Variants in CLDN14 observed in about 807,000 individuals in gnomAD.
The protein encoded by CLDN14 is claudin 14.
CLDN14 carries 2 observed loss-of-function variants against 2.1 expected under a neutral mutation model. The observed-to-expected ratio is 0.96, with a 90% CI of 0.39 to 3.01. CLDN14 has a LOEUF of 3.01. Among genes scored for constraint, CLDN14 ranks in the 30% most tolerant of loss-of-function variants. The pLI, the probability that CLDN14 is intolerant of heterozygous loss-of-function variation, is 0.09. For synonymous variants in CLDN14, 136 were observed against 154.4 expected (o/e 0.88, Z 0.88); for missense variants, 298 against 328.0 (o/e 0.91, Z 0.71).
intron 1 of CLDN14, among the ~76,000 whole-genome samples, chr21:36,472,658 CT>C (rs2086724377): frequency 6.6e-6 from 1 of 152,202 alleles, no homozygotes. Flanking sequence ...ATACCACAGA[CT>C]TGCTGGATTA....
At chr21:36,489,131 A>AAAAATATATAT in intron 2 of CLDN14, among the ~76,000 whole-genome samples, 2 of 62,746 alleles carry the variant, frequency 3.2e-5, no homozygotes, top group Admixed American at 2.7e-4. Context: ...AAAAAAAAAA[A>AAAAATATATAT]ATATATATAT....
At chr21:36,538,550 G>T (rs1314757330) in intron 1 of CLDN14, among the ~76,000 whole-genome samples, 3 of 152,104 alleles carry the variant, frequency 2.0e-5, no homozygotes, top group African/African-American at 7.2e-5. Flanking sequence ...GAAGATGGAG[G>T]TTGCAGTGAG....
chr21:36,486,674 A>G (rs569188063), intron 2 of CLDN14: 9 of 1,378,610 alleles, frequency 6.5e-6, no homozygotes, highest in African/African-American at 2.9e-5. Flanking sequence ...CTCTTCCCCC[A>G]AATTTATCAT....
chr21:36,507,398 C>A (rs1414846040), intron 2 of CLDN14, among the ~76,000 whole-genome samples: 1 of 152,104 alleles, frequency 6.6e-6, no homozygotes, highest in Non-Finnish European at 1.5e-5. Flanking sequence ...AGCCCAGAGA[C>A]AACCGCTTGA....
chr21:36,538,889 C>T (rs184313857), intron 1 of CLDN14, among the ~76,000 whole-genome samples: 5 of 152,276 alleles, frequency 3.3e-5, no homozygotes, highest in East Asian at 1.9e-4. Flanking sequence ...GAGACCTGTA[C>T]GAGTCACCTG....
intron 1 of CLDN14, among the ~76,000 whole-genome samples, chr21:36,534,757 A>G (rs191587091): frequency 1.8e-4 from 28 of 152,306 alleles, no homozygotes; most frequent in African/African-American, 6.7e-4. Flanking sequence ...TCTGGGTTCA[A>G]TCCTGCTCTT....
intron 1 of CLDN14, among the ~76,000 whole-genome samples, chr21:36,562,901 G>C (rs2087646368): frequency 6.6e-6 from 1 of 151,956 alleles, no homozygotes; most frequent in Admixed American, 6.6e-5. Flanking sequence ...TCTTCATCTG[G>C]CTCCTCTGCA....
intron 1 of CLDN14, among the ~76,000 whole-genome samples, chr21:36,476,277 G>A (rs1601598561): frequency 6.6e-6 from 1 of 152,100 alleles, no homozygotes; most frequent in African/African-American, 2.4e-5. Context: ...TGGGGGGGTG[G>A]TTCTTTATTT....
At chr21:36,473,779 A>T (rs1014705701) in intron 1 of CLDN14, among the ~76,000 whole-genome samples, 9 of 152,266 alleles carry the variant, frequency 5.9e-5, no homozygotes, top group South Asian at 4.2e-4. Context: ...CAGGGGAGGG[A>T]TGAGGATAGA....
chr21:36,464,214 C>G (rs1221032487), intron 1 of CLDN14, among the ~76,000 whole-genome samples: 1 of 152,172 alleles, frequency 6.6e-6, no homozygotes, highest in Non-Finnish European at 1.5e-5. Context: ...ATGCCTGCTT[C>G]CCCTTTGCCT....
chr21:36,525,010 T>C (rs770832142), intron 1 of CLDN14, among the ~76,000 whole-genome samples: 2 of 152,058 alleles, frequency 1.3e-5, no homozygotes, highest in Non-Finnish European at 2.9e-5. Context: ...ATCACCTGCT[T>C]CTCATGGGCG....
intron 1 of CLDN14, among the ~76,000 whole-genome samples, chr21:36,522,061 C>T (rs1329228120): frequency 6.6e-6 from 1 of 152,172 alleles, no homozygotes; most frequent in Non-Finnish European, 1.5e-5. Flanking sequence ...TAAAGGTCTG[C>T]AACTCCAAGC....
At chr21:36,491,488 C>T (rs1015807755) in intron 2 of CLDN14, among the ~76,000 whole-genome samples, 9 of 152,092 alleles carry the variant, frequency 5.9e-5, no homozygotes, top group East Asian at 1.9e-4. Context: ...TTTTAATTTC[C>T]GCGTACTTTT....
chr21:36,482,733 G>T, upstream of CLDN14, among the ~76,000 whole-genome samples: 1 of 152,030 alleles, frequency 6.6e-6, no homozygotes, highest in African/African-American at 2.4e-5. Flanking sequence ...TAAAGGTTGT[G>T]GTAAAACTTG....
intron 2 of CLDN14, chr21:36,486,815 G>C: frequency 2.7e-6 from 2 of 742,440 alleles, no homozygotes; most frequent in Non-Finnish European, 4.9e-6. Context: ...TTCAGAGCCA[G>C]ATGGGCCATG....
chr21:36,467,384 G>A (rs1012531381), intron 1 of CLDN14, among the ~76,000 whole-genome samples: 4 of 152,112 alleles, frequency 2.6e-5, no homozygotes, highest in East Asian at 1.9e-4. Flanking sequence ...ACCAGCCTGC[G>A]TCTTGACTGC....
At chr21:36,567,573 T>G (rs1354066327) in intron 1 of CLDN14, among the ~76,000 whole-genome samples, 1 of 152,258 alleles carries the variant, frequency 6.6e-6, no homozygotes, top group East Asian at 1.9e-4. Context: ...TTGATTGAGC[T>G]TTAATAACCT....
chr21:36,489,190 G>C (rs219734), intron 2 of CLDN14, among the ~76,000 whole-genome samples: 4 of 129,170 alleles, frequency 3.1e-5, no homozygotes, highest in Admixed American at 8.4e-5. Context: ...AGAATGGGGG[G>C]CGGGAGAGAG....
chr21:36,503,445 C>T (rs993652113), intron 2 of CLDN14, among the ~76,000 whole-genome samples: 37 of 152,136 alleles, frequency 2.4e-4, no homozygotes, highest in African/African-American at 8.7e-4. Context: ...AATCATGGGG[C>T]CAGATCTTTC....
Sources: gnomAD v4.1 joint callset for allele counts (sites outside exome capture counted in the v4.1 genomes callset) on GRCh38, gnomAD v4.1.1 for gene constraint, MANE v1.5 for transcripts, NCBI Gene and HGNC (gene_info 2026-07-23, HGNC 2026-07-21) for gene names.